Variants in FOXK1 observed in about 807,000 individuals in gnomAD.
The protein encoded by FOXK1 is forkhead box K1.
Under a neutral mutation model 51.9 loss-of-function variants are expected in FOXK1, and 19 were observed. The ratio of observed to expected loss-of-function variants is 0.37; its 90% CI spans 0.26 to 0.54. FOXK1 has a LOEUF of 0.54. FOXK1 is among the 20% of genes least tolerant of loss of function. The pLI, the probability that FOXK1 is intolerant of heterozygous loss-of-function variation, is 0.87. For synonymous variants in FOXK1, 537 were observed against 482.6 expected (o/e 1.11, Z -1.48); for missense variants, 870 against 1,032.7 (o/e 0.84, Z 2.16).
chr7:4,687,591 G>A (rs1451192084), intron 1 of FOXK1, among the ~76,000 whole-genome samples: 1 of 152,098 alleles, frequency 6.6e-6, no homozygotes, highest in South Asian at 2.1e-4. Context: ...ACTACGCCCG[G>A]CCCCAACTGA....
In FOXK1 at chr7:4,762,743, C is replaced by A. The variant is rs1052518443; in HGVS notation, c.*279C>A. On this transcript the variant is annotated 3_prime_UTR_variant, in exon 9 of 9. Transcript: ENST00000328914. This position sits in a 1 kb window ranked among gnomAD's most constrained non-coding sequence, Gnocchi z 5.7. ...CTCGGCACCACCTCCTCTCCCCAGG[C>A]CTCCCTGTCGGGCATGGGGAGGAGG... 8 of 443,126 alleles carry A rather than the reference C, an allele frequency of 1.8e-5. No homozygotes were observed. The highest frequency in any genetic ancestry group is 4.0e-5 in the African/African-American group (2 of 50,118). 27.4% of individuals were successfully genotyped at this position (443,126 alleles called of 1,614,324 possible).
chr7:4,744,378 T>C (rs896202690), intron 2 of FOXK1, among the ~76,000 whole-genome samples: 1 of 152,172 alleles, frequency 6.6e-6, no homozygotes, highest in South Asian at 2.1e-4. Flanking sequence ...GCGTACCCCG[T>C]AGGTCATCTT....
rs1390734207 is a variant in FOXK1, at chr7:4,759,579, G to A, written c.1680G>A (p.Leu560=). 6.5e-7 allele frequency: 1 copy of A among 1,536,888 alleles called. No homozygotes were observed. Among genetic ancestry groups the A allele is most frequent in the African/African-American group, 1.4e-5 (1 of 73,136 alleles). Residue 560 remains leucine (L), a synonymous_variant, in exon 7 of 9, where the codon CTG becomes CTA. Coordinates refer to ENST00000328914, the MANE Select transcript of FOXK1 (RefSeq NM_001037165.2). ...HDAAGAAVLD[L]GSEARGLEEK... ...CGGCGGGCGCAGCCGTGCTGGACCT[G>A]GGCAGCGAGGCCAGAGGTAATGCAG... is the stretch of plus-strand genomic sequence containing the variant.
Position 4,761,611 on chromosome 7 carries a change from C to T in FOXK1, c.1921+323C>T, listed in dbSNP as rs1014083411. ...AGGTGTGGTGTTGCACGCTCATGGT[C>T]CCAGCTGCTTGGGAGAGTGAGGCTG... On this transcript the variant is annotated intron_variant, in intron 8 of 8. Coordinates refer to ENST00000328914, the MANE Select transcript of FOXK1 (RefSeq NM_001037165.2). This position sits in a 1 kb window ranked among gnomAD's most constrained non-coding sequence, Gnocchi z 6.2. Among the ~76,000 whole-genome samples, 2 of 152,028 alleles carry T rather than the reference C, an allele frequency of 1.3e-5. No homozygotes were observed. The highest frequency in any genetic ancestry group is 6.6e-5 in the Admixed American group (1 of 15,260).
In FOXK1 at chr7:4,755,128, G is replaced by T; in HGVS notation, c.904-109G>T. 7.1e-7 allele frequency: 1 copy of T among 1,405,100 alleles called. No individual in the cohort carries two copies. Among genetic ancestry groups the T allele is most frequent in the Non-Finnish European group, 9.7e-7 (1 of 1,031,518 alleles). 87.0% of individuals were successfully genotyped at this position (1,405,100 alleles called of 1,614,324 possible). A position where few individuals can be genotyped will look rare whatever the true frequency, so the allele number is the denominator to read the frequency against. Reference sequence around the variant, plus strand: ...AGGGCACTGGGACGGGTGCCGGCAAGACGCGCACATTCTCGTGGGAAGGTT... The same window carrying T: ...AGGGCACTGGGACGGGTGCCGGCAATACGCGCACATTCTCGTGGGAAGGTT... On this transcript the variant is annotated intron_variant, in intron 3 of 8. Transcript: ENST00000328914. The surrounding 1 kb of genome is among the most constrained non-coding windows in gnomAD (Gnocchi z 6.6).
chr7:4,724,222 G>T (rs771056912), intron 1 of FOXK1, among the ~76,000 whole-genome samples: 1 of 152,054 alleles, frequency 6.6e-6, no homozygotes, highest in Non-Finnish European at 1.5e-5. Context: ...TTGAGATGGA[G>T]TCTTCCTCTG....
At chr7:4,701,753 C>G (rs1583185059) in intron 1 of FOXK1, among the ~76,000 whole-genome samples, 1 of 152,184 alleles carries the variant, frequency 6.6e-6, no homozygotes, top group South Asian at 2.1e-4. Flanking sequence ...ATTAGCCAGG[C>G]ATGGTGGCGG....
intron 1 of FOXK1, among the ~76,000 whole-genome samples, chr7:4,692,002 C>A (rs919026322): frequency 2.6e-5 from 4 of 152,140 alleles, no homozygotes; most frequent in Admixed American, 6.6e-5. Context: ...TTACTGGGGA[C>A]CCCAAAGAGC....
At chr7:4,712,601 C>T (rs1237451344) in intron 1 of FOXK1, among the ~76,000 whole-genome samples, 1 of 152,174 alleles carries the variant, frequency 6.6e-6, no homozygotes, top group African/African-American at 2.4e-5. Context: ...TCTCTGAATT[C>T]TGGGTGTATT....
chr7:4,720,687 T>C (rs1332060733), intron 1 of FOXK1, among the ~76,000 whole-genome samples: 3 of 150,878 alleles, frequency 2.0e-5, no homozygotes, highest in Non-Finnish European at 4.4e-5. Context: ...TGGCTTTGTA[T>C]GCTGCGTGCC....
In FOXK1 at chr7:4,705,984, G is replaced by GTA. The variant is rs1491183158; in HGVS notation, c.560+23123_560+23124dup. Among the ~76,000 whole-genome samples the GTA allele has an allele frequency of 1.1e-3, 99 of 87,932 alleles. 4 individuals carry two copies. The highest frequency in any genetic ancestry group is 7.5e-3 in the African/African-American group (79 of 10,536). The allele number at this position is 87,932 out of a possible 152,430, so 57.7% of individuals were successfully genotyped here. A position where few individuals can be genotyped will look rare whatever the true frequency, so the allele number is the denominator to read the frequency against. On this transcript the variant is annotated intron_variant, in intron 1 of 8. Transcript: ENST00000328914. The stretch of plus-strand genomic sequence containing the variant: ...TGTATATATATATACGTATATATAC[G>GTA]TATATATACGTATATATACGTATAT...
At chr7:4,701,941 G>A (rs1324588441) in intron 1 of FOXK1, among the ~76,000 whole-genome samples, 1 of 152,090 alleles carries the variant, frequency 6.6e-6, no homozygotes, top group Admixed American at 6.6e-5. Context: ...TGGGCATGGT[G>A]GTGCTTGCCT....
Position 4,715,078 on chromosome 7 carries a change from C to T in FOXK1, c.561-25760C>T, listed in dbSNP as rs1156805314. Among the ~76,000 whole-genome samples, 2 of 151,984 alleles carry T rather than the reference C, an allele frequency of 1.3e-5. No individual in the cohort carries two copies. The highest frequency in any genetic ancestry group is 2.9e-5 in the Non-Finnish European group (2 of 68,034). On this transcript the variant is annotated intron_variant, in intron 1 of 8. Transcript: ENST00000328914. The surrounding 1 kb of genome is among the most constrained non-coding windows in gnomAD (Gnocchi z 4.5). The stretch of plus-strand genomic sequence containing the variant: ...AGCTTTTCTGATCAGATGAGTTTCA[C>T]GGCTTTAGTACAGAAAATATTCAAA...
Position 4,753,787 on chromosome 7 carries a change from C to T in FOXK1, c.747-672C>T, listed in dbSNP as rs1780808450. Among the ~76,000 whole-genome samples, 1 of 152,214 alleles carries T rather than the reference C, an allele frequency of 6.6e-6. No individual in the cohort carries two copies. Among genetic ancestry groups the T allele is most frequent in the African/African-American group, 2.4e-5 (1 of 41,462 alleles). ...GCAGCCTCCTGCCTGTGGTCCCGGCCTCAACCCAGAGCCTCACCTGCAGCC... is the reference window on the plus strand; with the variant it reads ...GCAGCCTCCTGCCTGTGGTCCCGGCTTCAACCCAGAGCCTCACCTGCAGCC... On this transcript the variant is annotated intron_variant, in intron 2 of 8. Transcript: ENST00000328914. This position sits in a 1 kb window ranked among gnomAD's most constrained non-coding sequence, Gnocchi z 4.9.
rs998803591 is a variant in FOXK1, at chr7:4,745,438, C to T, written c.746+4415C>T. Among the ~76,000 whole-genome samples, 2 of 150,866 alleles carry T rather than the reference C, an allele frequency of 1.3e-5. No homozygotes were observed. Among genetic ancestry groups the T allele is most frequent in the Non-Finnish European group, 2.9e-5 (2 of 67,820 alleles). On this transcript the variant is annotated intron_variant, in intron 2 of 8. Transcript: ENST00000328914. The surrounding 1 kb of genome is among the most constrained non-coding windows in gnomAD (Gnocchi z 4.3). ...TCTCGCAGGCCCTCGCTCCTTTTCC[C>T]AGGGTGGGTGGGTATGGGTGTGGGT... is the stretch of plus-strand genomic sequence containing the variant.
chr7:4,705,990 ATACGTATAT>A (rs1562373056), intron 1 of FOXK1, among the ~76,000 whole-genome samples: 6 of 102,140 alleles, frequency 5.9e-5, no homozygotes, highest in Admixed American at 1.8e-4. Flanking sequence ...ATACGTATAT[ATACGTATAT>A]ATACGTATAT....
chr7:4,702,096 C>T lies in FOXK1; in HGVS notation c.560+19228C>T, dbSNP rs1780027792. On this transcript the variant is annotated intron_variant, in intron 1 of 8. Transcript: ENST00000328914. Reference sequence around the variant, plus strand: ...TCTCAAAAAAAACCCCAAAAAGCAACAACAACAAAACCAAATCGTATTGTA... The same window carrying T: ...TCTCAAAAAAAACCCCAAAAAGCAATAACAACAAAACCAAATCGTATTGTA... 2.0e-5 allele frequency among the ~76,000 whole-genome samples: 3 copies of T among 152,002 alleles called. No individual in the cohort carries two copies. In the South Asian group the frequency reaches 6.2e-4, roughly 32 times the overall value.
chr7:4,717,453 GTGTGGCTGGGAGGCA>G (rs71032987), intron 1 of FOXK1, among the ~76,000 whole-genome samples: 48,576 of 130,600 alleles, frequency 0.37, 8,528 homozygotes, highest in African/African-American at 0.45. Flanking sequence ...ACTGGGAGGT[GTGTGGCTGGGAGGCA>G]TGTGGCTGGG....
chr7:4,738,308 G>A (rs11773315), intron 1 of FOXK1, among the ~76,000 whole-genome samples: 21 of 146,666 alleles, frequency 1.4e-4, no homozygotes, highest in Non-Finnish European at 2.6e-4. Flanking sequence ...GTGGTGGTGC[G>A]TGCCTGTAAT....
Sources: allele counts gnomAD v4.1 joint callset (sites outside exome capture counted in the v4.1 genomes callset), GRCh38; gene constraint gnomAD v4.1.1; non-coding constraint Gnocchi (gnomAD v3.1); transcripts MANE v1.5; gene names NCBI Gene and HGNC (gene_info 2026-07-23, HGNC 2026-07-21).